FSD2: variants seen among roughly 807,000 people sequenced by gnomAD.
The protein encoded by FSD2 is fibronectin type III and SPRY domain-containing protein 2.
In FSD2, 71 loss-of-function variants were observed where a neutral mutation model predicts 80.4. The ratio of observed to expected loss-of-function variants is 0.88; its 90% CI spans 0.73 to 1.08. The LOEUF is 1.08. FSD2 is among the 50% of genes least tolerant of loss of function. The probability of loss-of-function intolerance (pLI) is 0.00; values close to 1 mark genes in which losing one functional copy is unlikely to be tolerated. For synonymous variants in FSD2, 361 were observed against 329.5 expected (o/e 1.10, Z -1.03); for missense variants, 923 against 913.8 (o/e 1.01, Z -0.13).
At chr15:82,780,042 C>T (rs536813196) in intron 5 of FSD2, among the ~76,000 whole-genome samples, 1 of 152,120 alleles carries the variant, frequency 6.6e-6, no homozygotes, top group East Asian at 1.9e-4. Flanking sequence ...CGTACACGCT[C>T]CCTACTAGCC....
chr15:82,772,596 A>C (rs892832300), intron 6 of FSD2, among the ~76,000 whole-genome samples: 3 of 152,172 alleles, frequency 2.0e-5, no homozygotes, highest in Non-Finnish European at 4.4e-5. Context: ...AGAGACAAAG[A>C]AGCCTTCAGC....
At chr15:82,804,101 A>G (rs1036612314) in intron 1 of FSD2, among the ~76,000 whole-genome samples, 2 of 152,214 alleles carry the variant, frequency 1.3e-5, no homozygotes, top group Non-Finnish European at 2.9e-5. Flanking sequence ...CACCTGGGCT[A>G]GAAGCCTTCT....
In FSD2 at chr15:82,766,007, G is replaced by A. The variant is rs752752693; in HGVS notation, c.1578C>T (p.Cys526=). 8.8e-6 allele frequency: 14 copies of A among 1,589,312 alleles called. No individual in the cohort carries two copies. Among genetic ancestry groups the A allele is most frequent in the Non-Finnish European group, 1.2e-5 (14 of 1,169,224 alleles). Residue 526 remains cysteine, a synonymous_variant, in exon 10 of 13, where the codon TGC becomes TGT. Coordinates refer to ENST00000334574, the MANE Select transcript of FSD2 (RefSeq NM_001007122.4). ...VTESVVGIPT[C]ESVVQLQPGR... is the part of the protein sequence containing the mutation. ...CCGGCTGCAGCTGCACCACGGACTC[G>A]CAGGTCGGGATGCCCACAACAGACC...
chr15:82,804,981 G>C (rs1596270808), intron 1 of FSD2, among the ~76,000 whole-genome samples: 1 of 152,094 alleles, frequency 6.6e-6, no homozygotes, highest in Admixed American at 6.6e-5. Context: ...CTAAAGCTTA[G>C]AGAAGTAAAG....
chr15:82,789,487 G>A (rs2050088128), intron 1 of FSD2, among the ~76,000 whole-genome samples: 1 of 152,012 alleles, frequency 6.6e-6, no homozygotes. Context: ...ACCCTATGTG[G>A]CAGGCACTGC....
intron 3 of FSD2, 30 bp downstream of exon 3, chr15:82,786,481 G>C: frequency 3.3e-6 from 5 of 1,500,240 alleles, no homozygotes; most frequent in Non-Finnish European, 3.7e-6. Context: ...AGAAATGTGA[G>C]TCTGATGAGG....
Position 82,765,095 on chromosome 15 carries a change from G to A in FSD2, c.1820+71C>T, listed in dbSNP as rs1009992680. 16 of 1,479,734 alleles carry A rather than the reference G, an allele frequency of 1.1e-5. No homozygotes were observed. In the South Asian group the frequency reaches 1.7e-4, roughly 16 times the overall value. The allele number at this position is 1,479,734 out of a possible 1,614,324, so 91.7% of individuals were successfully genotyped here. On this transcript the variant is annotated intron_variant, in intron 11 of 12. Coordinates refer to ENST00000334574, the MANE Select transcript of FSD2 (RefSeq NM_001007122.4). ...TCGAGGCTGCCTCCGTGCCATATTCGGATTTGACCTGAATAACAGTGCACC... is the reference window on the plus strand; with the variant it reads ...TCGAGGCTGCCTCCGTGCCATATTCAGATTTGACCTGAATAACAGTGCACC...
chr15:82,799,489 C>T lies in FSD2; in HGVS notation c.-79+6477G>A, dbSNP rs916740670. ...TCTATGTCCCCGTCTTTTCTGAGGGCTCCAAATCCATGTCTCTGGCTCTAA... is the reference window on the plus strand; with the variant it reads ...TCTATGTCCCCGTCTTTTCTGAGGGTTCCAAATCCATGTCTCTGGCTCTAA... On this transcript the variant is annotated intron_variant, in intron 1 of 12. Transcript: ENST00000334574. Among the ~76,000 whole-genome samples, 16 of 152,324 alleles carry T rather than the reference C, an allele frequency of 1.1e-4. No homozygotes were observed. The East Asian group carries it at 3.1e-3, about 29-fold the overall frequency.
rs1213372214 is a variant in FSD2 at position 82,756,514 on chromosome 15, G to C, written c.*2834C>G. On this transcript the variant is annotated 3_prime_UTR_variant, in exon 13 of 13. Transcript: ENST00000334574. ...TGATTGTGTGTCATTTGAACCAGCA[G>C]GAAGTAATTTATTAAACACACTTTT... The C allele has an allele frequency of 6.6e-6, 1 of 152,162 alleles. No individual in the cohort carries two copies. The allele number at this position is 152,162 out of a possible 1,614,324, so 9.4% of individuals were successfully genotyped here. A position where few individuals can be genotyped will look rare whatever the true frequency, so the allele number is the denominator to read the frequency against.
rs780055387 is a variant in FSD2 at position 82,782,981 on chromosome 15, G to A, written c.780C>T (p.Asn260=). ...KQEQNFESHY[N]EILETLAQKY... ...TTTGAGCAAGTGTTTCCAAGATCTCGTTGTAATGTGACTCAAAGTTTTGTT... is the reference window on the plus strand; with the variant it reads ...TTTGAGCAAGTGTTTCCAAGATCTCATTGTAATGTGACTCAAAGTTTTGTT... The change falls in exon 4 of 13, where the codon AAC becomes AAT. Residue 260 remains asparagine (N), a synonymous_variant. Coordinates refer to ENST00000334574, the MANE Select transcript of FSD2 (RefSeq NM_001007122.4). 1.1e-5 allele frequency: 17 copies of A among 1,613,258 alleles called. No individual in the cohort carries two copies. The East Asian group carries it at 1.3e-4, about 13-fold the overall frequency.
chr15:82,772,874 G>A (rs900031764), intron 6 of FSD2, among the ~76,000 whole-genome samples: 1 of 152,094 alleles, frequency 6.6e-6, no homozygotes, highest in Non-Finnish European at 1.5e-5. Context: ...TTGAGACAAA[G>A]TCTTGCTCTG....
In FSD2 at chr15:82,777,498, G is replaced by A. The variant is rs956221732; in HGVS notation, c.1111+1268C>T. Among the ~76,000 whole-genome samples the A allele has an allele frequency of 4.6e-5, 7 of 152,028 alleles. No homozygotes were observed. In the East Asian group the frequency reaches 5.8e-4, roughly 13 times the overall value. ...ATCTCTCTAGTTATCAGGAAAATGC[G>A]CATCAAAACCACAATGAGATATCAC... On this transcript the variant is annotated intron_variant, in intron 6 of 12. Coordinates refer to ENST00000334574, the MANE Select transcript of FSD2 (RefSeq NM_001007122.4).
chr15:82,802,497 G>A (rs574657500), intron 1 of FSD2, among the ~76,000 whole-genome samples: 4 of 152,274 alleles, frequency 2.6e-5, no homozygotes, highest in East Asian at 3.9e-4. Context: ...ATGTCAGATT[G>A]CCCAGCTAAT....
At chr15:82,774,380 A>G (rs1485645003) in intron 6 of FSD2, among the ~76,000 whole-genome samples, 1 of 152,092 alleles carries the variant, frequency 6.6e-6, no homozygotes, top group African/African-American at 2.4e-5. Context: ...CTGGCCAACA[A>G]TAATACTTTA....
intron 1 of FSD2, among the ~76,000 whole-genome samples, chr15:82,789,517 A>G (rs755760035): frequency 1.2e-4 from 18 of 152,092 alleles, no homozygotes; most frequent in Non-Finnish European, 2.1e-4. Flanking sequence ...CATTTTGTAG[A>G]TGAGTCAACT....
chr15:82,760,722 C>T (rs1368301592), intron 12 of FSD2, among the ~76,000 whole-genome samples: 6 of 119,080 alleles, frequency 5.0e-5, no homozygotes, highest in East Asian at 2.6e-4. Context: ...AACGTGTGTG[C>T]ACGTGTGTGC....
At chr15:82,773,665 G>A (rs777305109) in intron 6 of FSD2, among the ~76,000 whole-genome samples, 7 of 152,176 alleles carry the variant, frequency 4.6e-5, no homozygotes, top group African/African-American at 7.2e-5. Context: ...ATAGCTCTGT[G>A]AAATCTCTCC....
chr15:82,801,999 A>C (rs1596268308), intron 1 of FSD2, among the ~76,000 whole-genome samples: 9 of 152,160 alleles, frequency 5.9e-5, no homozygotes, highest in Admixed American at 5.9e-4. Context: ...TTTTGCCTCC[A>C]CAGCCAGTGT....
Position 82,766,049 on chromosome 15 carries a change from G to A in FSD2, c.1554-18C>T, listed in dbSNP as rs1286457895. The stretch of plus-strand genomic sequence containing the variant: ...CAACAGACCTGTACAAGGAAGCAGA[G>A]CTGCAGTCAGAATGGGGCTAGGACA... On this transcript the variant is annotated intron_variant, in intron 9 of 12. Coordinates refer to ENST00000334574, the MANE Select transcript of FSD2 (RefSeq NM_001007122.4). 5 of 1,561,222 alleles carry A rather than the reference G, an allele frequency of 3.2e-6. No homozygotes were observed. In the Admixed American group the frequency reaches 7.5e-5, roughly 23 times the overall value.
Sources: gnomAD v4.1 joint callset for allele counts (sites outside exome capture counted in the v4.1 genomes callset) on GRCh38, gnomAD v4.1.1 for gene constraint, MANE v1.5 for transcripts, NCBI Gene and HGNC (gene_info 2026-07-23, HGNC 2026-07-21) for gene names.